Variants in ADCY2 observed in about 807,000 individuals in gnomAD.
ADCY2 encodes the protein adenylate cyclase 2.
Under a neutral mutation model 125.2 loss-of-function variants are expected in ADCY2, and 31 were observed. That is an observed-to-expected ratio of 0.25 (90% CI 0.19 to 0.33). ADCY2 has a LOEUF of 0.33. ADCY2 is among the 10% of genes least tolerant of loss of function. ADCY2 has a pLI of 1.00. For missense variants in ADCY2, 904 were observed against 1,418.2 expected (o/e 0.64, Z 5.82); for synonymous variants, 512 against 548.4 (o/e 0.93, Z 0.93).
At chr5:7,480,713 A>T (rs1312619707) in intron 2 of ADCY2, among the ~76,000 whole-genome samples, 1 of 151,360 alleles carries the variant, frequency 6.6e-6, no homozygotes, top group Non-Finnish European at 1.5e-5. Context: ...ACACAAGTTT[A>T]CCTATATAAC....
At chr5:7,811,831 A>G (rs139641986) in intron 22 of ADCY2, among the ~76,000 whole-genome samples, 79 of 152,296 alleles carry the variant, frequency 5.2e-4, no homozygotes, top group African/African-American at 1.9e-3. Context: ...AGCTGACAAA[A>G]CAATGAACAG....
intron 12 of ADCY2, among the ~76,000 whole-genome samples, chr5:7,719,116 A>G (rs996813846): frequency 6.6e-6 from 1 of 152,224 alleles, no homozygotes; most frequent in Non-Finnish European, 1.5e-5. Flanking sequence ...TTCCTACCAA[A>G]CAAATCATCA....
intron 2 of ADCY2, among the ~76,000 whole-genome samples, chr5:7,434,838 T>G (rs910521858): frequency 1.3e-5 from 2 of 152,206 alleles, no homozygotes; most frequent in Admixed American, 6.5e-5. Context: ...CCAAGACTCT[T>G]TCAGCGTCTG....
intron 4 of ADCY2, chr5:7,657,927 C>A (rs1455545600): frequency 6.6e-6 from 1 of 152,250 alleles, no homozygotes; most frequent in East Asian, 1.9e-4. Context: ...AGGCAGCTCC[C>A]AGCTCCCACT....
chr5:7,470,450 A>C (rs1742291548), intron 2 of ADCY2, among the ~76,000 whole-genome samples: 1 of 150,706 alleles, frequency 6.6e-6, no homozygotes, highest in Non-Finnish European at 1.5e-5. Flanking sequence ...TAGTGAAAGC[A>C]CAAAGTATGT....
At chr5:7,458,611 T>G (rs540100740) in intron 2 of ADCY2, among the ~76,000 whole-genome samples, 1 of 152,334 alleles carries the variant, frequency 6.6e-6, no homozygotes, top group Admixed American at 6.5e-5. Flanking sequence ...TTAATGGCGT[T>G]TCTGTCTAAC....
intron 3 of ADCY2, among the ~76,000 whole-genome samples, chr5:7,549,005 G>A (rs1002329191): frequency 6.6e-6 from 1 of 152,134 alleles, no homozygotes; most frequent in Non-Finnish European, 1.5e-5. Flanking sequence ...TTTTGGAGGC[G>A]AGGATAATGA....
intron 2 of ADCY2, among the ~76,000 whole-genome samples, chr5:7,462,552 A>G (rs935840947): frequency 1.1e-4 from 16 of 152,240 alleles, no homozygotes; most frequent in African/African-American, 3.9e-4. Flanking sequence ...AGCTAGCAAA[A>G]ATTAAATCAT....
chr5:7,671,867 T>G (rs1024825168), intron 4 of ADCY2, among the ~76,000 whole-genome samples: 1 of 151,580 alleles, frequency 6.6e-6, no homozygotes, highest in Non-Finnish European at 1.5e-5. Flanking sequence ...ATATTCAGAG[T>G]GTTAGTCCGG....
At chr5:7,744,323 G>A (rs1742531848) in intron 15 of ADCY2, among the ~76,000 whole-genome samples, 1 of 152,032 alleles carries the variant, frequency 6.6e-6, no homozygotes, top group Admixed American at 6.5e-5. Flanking sequence ...AACCACCATG[G>A]CACATGTATG....
At chr5:7,617,577 A>G (rs1185563126) in intron 3 of ADCY2, among the ~76,000 whole-genome samples, 2 of 152,206 alleles carry the variant, frequency 1.3e-5, no homozygotes, top group African/African-American at 4.8e-5. Flanking sequence ...GACTGGGAAA[A>G]GCAGCTGCAG....
At chr5:7,649,564 CA>C (rs1739012111) in intron 4 of ADCY2, among the ~76,000 whole-genome samples, 1 of 152,214 alleles carries the variant, frequency 6.6e-6, no homozygotes, top group African/African-American at 2.4e-5. Flanking sequence ...GAGGACTTGG[CA>C]GGATGCCTTG....
chr5:7,497,543 CA>C (rs915939286), intron 2 of ADCY2, among the ~76,000 whole-genome samples: 2 of 151,926 alleles, frequency 1.3e-5, no homozygotes, highest in African/African-American at 4.8e-5. Context: ...CACATCCCTC[CA>C]AAAAAATTGC....
chr5:7,799,010 G>C (rs1029356715), intron 20 of ADCY2: 1 of 152,194 alleles, frequency 6.6e-6, no homozygotes, highest in Non-Finnish European at 1.5e-5. Flanking sequence ...AAAACTGAAA[G>C]GGGTAGTGGC....
intron 4 of ADCY2, among the ~76,000 whole-genome samples, chr5:7,680,682 A>C (rs904302579): frequency 1.3e-5 from 2 of 152,216 alleles, no homozygotes; most frequent in Non-Finnish European, 2.9e-5. Flanking sequence ...AATGCATTAC[A>C]TATATAAAGT....
At chr5:7,798,557 A>G (rs1744494576) in intron 20 of ADCY2, 1 of 151,122 alleles carries the variant, frequency 6.6e-6, no homozygotes, top group South Asian at 2.1e-4. Flanking sequence ...AACGAGGGCA[A>G]GAGTTTTGAC....
intron 4 of ADCY2, among the ~76,000 whole-genome samples, chr5:7,680,086 T>C (rs541647661): frequency 3.9e-5 from 6 of 152,062 alleles, no homozygotes; most frequent in African/African-American, 1.4e-4. Flanking sequence ...TAGGGGAAAT[T>C]AGTTAGGTTA....
chr5:7,521,730 A>G (rs916925242), intron 3 of ADCY2, among the ~76,000 whole-genome samples: 7 of 152,126 alleles, frequency 4.6e-5, no homozygotes, highest in African/African-American at 1.2e-4. Context: ...GTGATGTGCT[A>G]TTTCATTTGG....
In ADCY2 at chr5:7,459,987, G is replaced by A. The variant is rs549731290; in HGVS notation, c.408+45217G>A. Among the ~76,000 whole-genome samples, 25 of 151,386 alleles carry A rather than the reference G, an allele frequency of 1.7e-4. 1 individual carries two copies. The South Asian group carries it at 4.6e-3, about 28-fold the overall frequency. ...ATTTTTAGTAGGGATGAGGTTTCAC[G>A]GTGTTAGCCAGGATGGTCTGAATCT... On this transcript the variant is annotated intron_variant, in intron 2 of 24. Transcript: ENST00000338316.
Sources: gnomAD v4.1 joint callset for allele counts (sites outside exome capture counted in the v4.1 genomes callset) on GRCh38, gnomAD v4.1.1 for gene constraint, MANE v1.5 for transcripts, NCBI Gene and HGNC (gene_info 2026-07-23, HGNC 2026-07-21) for gene names.